DOP1A: variants seen among roughly 807,000 people sequenced by gnomAD.
DOP1A encodes the protein DOP1 leucine zipper like protein A, also known as protein DOP1A.
In DOP1A, 90 loss-of-function variants were observed where a neutral mutation model predicts 267.6. The ratio of observed to expected loss-of-function variants is 0.34; its 90% CI spans 0.28 to 0.40. The LOEUF is 0.40. DOP1A is among the 10% of genes least tolerant of loss of function. DOP1A has a pLI of 1.00. For missense variants in DOP1A, 2,437 were observed against 2,900.4 expected (o/e 0.84, Z 3.67); for synonymous variants, 932 against 999.1 (o/e 0.93, Z 1.27).
intron 1 of DOP1A, among the ~76,000 whole-genome samples, chr6:83,084,287 G>A (rs1768671199): frequency 2.0e-5 from 3 of 152,066 alleles, no homozygotes; most frequent in African/African-American, 7.2e-5. Flanking sequence ...ATAACATGCT[G>A]TACAGGTTTG....
chr6:83,091,814 GT>G (rs1428620866), intron 1 of DOP1A, among the ~76,000 whole-genome samples: 1 of 152,104 alleles, frequency 6.6e-6, no homozygotes, highest in Non-Finnish European at 1.5e-5. Context: ...GAAAAAAAAT[GT>G]TCCTGCTGAT....
chr6:83,121,806 T>C lies in DOP1A; in HGVS notation c.1100-124T>C, dbSNP rs888405277. The C allele has an allele frequency of 3.1e-6, 3 of 972,178 alleles. No homozygotes were observed. The African/African-American group carries it at 5.0e-5, about 16-fold the overall frequency. 60.2% of individuals were successfully genotyped at this position (972,178 alleles called of 1,614,324 possible). ...AAAGAAGTGTGAATTTAGCTTAGCT[T>C]CTGAAGAAATACTATTTTAAAAATA... On this transcript the variant is annotated intron_variant, in intron 10 of 38. Transcript: ENST00000349129.
At chr6:83,145,847 G>A (rs1403492823) in intron 25 of DOP1A, among the ~76,000 whole-genome samples, 189 bp downstream of exon 25, 2 of 152,034 alleles carry the variant, frequency 1.3e-5, no homozygotes, top group East Asian at 3.9e-4. Flanking sequence ...CTGATTATTC[G>A]GTAGCCAGTG....
intron 27 of DOP1A, among the ~76,000 whole-genome samples, chr6:83,149,475 A>G (rs482899): frequency 0.23 from 34,317 of 152,058 alleles, 3,940 homozygotes; most frequent in Non-Finnish European, 0.24. Context: ...ATTCTGGGGC[A>G]AAGTACCTTG....
intron 17 of DOP1A, among the ~76,000 whole-genome samples, chr6:83,130,749 C>CTT (rs988236529): frequency 6.8e-6 from 1 of 146,384 alleles, no homozygotes. Context: ...TTTTGCTTTT[C>CTT]TTTTTTTTTT....
At chr6:83,151,784 C>A in intron 28 of DOP1A, 99 bp from the exon 29 acceptor site, 4 of 1,438,144 alleles carry the variant, frequency 2.8e-6, no homozygotes, top group Non-Finnish European at 3.8e-6. Flanking sequence ...ATCAACAAGT[C>A]TATTGTAAAA....
chr6:83,146,968 TGG>T (rs1780732617), intron 25 of DOP1A, among the ~76,000 whole-genome samples: 1 of 152,182 alleles, frequency 6.6e-6, no homozygotes, highest in Non-Finnish European at 1.5e-5. Flanking sequence ...AAGTGAGTGG[TGG>T]ACTATCAACT....
intron 34 of DOP1A, 138 bp downstream of exon 34, chr6:83,156,241 CAATG>C (rs1782761043): frequency 2.9e-6 from 2 of 691,760 alleles, no homozygotes; most frequent in African/African-American, 1.8e-5. Flanking sequence ...TCTACTGAAA[CAATG>C]AAAATTATCA....
At chr6:83,147,806 G>A (rs987239371) in intron 26 of DOP1A, among the ~76,000 whole-genome samples, 1 of 152,160 alleles carries the variant, frequency 6.6e-6, no homozygotes, top group Non-Finnish European at 1.5e-5. Flanking sequence ...TATTTAAACT[G>A]GTTGTGACCT....
At chr6:83,077,768 CAG>C (rs1322661912) in intron 1 of DOP1A, among the ~76,000 whole-genome samples, 6 of 152,312 alleles carry the variant, frequency 3.9e-5, no homozygotes, top group African/African-American at 1.4e-4. Context: ...GTTTCTAAAT[CAG>C]GGGTGTCCAA....
intron 25 of DOP1A, 56 bp downstream of exon 25, chr6:83,145,714 G>A: frequency 6.4e-7 from 1 of 1,566,152 alleles, no homozygotes; most frequent in Non-Finnish European, 8.7e-7. Flanking sequence ...AAATTATGCT[G>A]GTAAGATTTT....
rs575909831 is a variant in DOP1A at position 83,152,722 on chromosome 6, A to G, written c.6129+355A>G. 1.3e-3 allele frequency among the ~76,000 whole-genome samples: 193 copies of G among 148,042 alleles called. 8 individuals carry two copies. In the South Asian group the frequency reaches 0.039, roughly 30 times the overall value. ...AACCTCTGCCTCCCGGGCTCAAGCTATTCTCCTCCCTCAGCCTCCTAAGTA... is the reference window on the plus strand; with the variant it reads ...AACCTCTGCCTCCCGGGCTCAAGCTGTTCTCCTCCCTCAGCCTCCTAAGTA... On this transcript the variant is annotated intron_variant, in intron 30 of 38. Coordinates refer to ENST00000349129, the MANE Select transcript of DOP1A (RefSeq NM_015018.4).
rs1310521076 is a variant in DOP1A, at chr6:83,122,019, C to A, written c.1189C>A (p.Pro397Thr). Reference sequence around the variant, plus strand: ...AGAGTTGGATCTTCAAACTGAACCACCCTTCAGCAAGGATCATGCTCAGTT... The same window carrying A: ...AGAGTTGGATCTTCAAACTGAACCAACCTTCAGCAAGGATCATGCTCAGTT... ...KAELDLQTEP[P>T]FSKDHAQLSS... Residue 397 changes from proline (P) to threonine (T), a missense_variant, in exon 11 of 39, where the codon CCC (proline) becomes ACC (threonine). Coordinates refer to ENST00000349129, the MANE Select transcript of DOP1A (RefSeq NM_015018.4). 6.2e-7 allele frequency: 1 copy of A among 1,611,258 alleles called. No individual in the cohort carries two copies. Among genetic ancestry groups the A allele is most frequent in the Non-Finnish European group, 8.5e-7 (1 of 1,178,064 alleles).
chr6:83,139,821 A>G (rs1026730454), intron 21 of DOP1A, among the ~76,000 whole-genome samples, 179 bp from the exon 22 acceptor site: 1 of 151,660 alleles, frequency 6.6e-6, no homozygotes, highest in Admixed American at 6.6e-5. Flanking sequence ...ATTTAGTCCA[A>G]CTCACTTATT....
downstream of DOP1A, chr6:83,169,913 A>G (rs191946107): frequency 3.7e-4 from 151 of 408,140 alleles, no homozygotes; most frequent in African/African-American, 2.4e-3. Flanking sequence ...TCAAGAGTCC[A>G]GAATGCTATC....
chr6:83,123,062 T>A, intron 12 of DOP1A, 80 bp downstream of exon 12: 3 of 1,449,684 alleles, frequency 2.1e-6, no homozygotes, highest in Non-Finnish European at 2.8e-6. Context: ...TTACATTTAA[T>A]GAATGTTCTT....
At chr6:83,166,491 A>G (rs756395399) in intron 38 of DOP1A, 2 of 698,276 alleles carry the variant, frequency 2.9e-6, no homozygotes, top group South Asian at 1.5e-5. Flanking sequence ...GAAAATCGCT[A>G]AATTTGATTT....
chr6:83,127,878 G>C (rs1427761103), intron 15 of DOP1A, among the ~76,000 whole-genome samples: 1 of 152,134 alleles, frequency 6.6e-6, no homozygotes, highest in Non-Finnish European at 1.5e-5. Flanking sequence ...AGGAATTACT[G>C]TCTCTCAATT....
In DOP1A at chr6:83,100,737, A is replaced by G. The variant is rs1772424973; in HGVS notation, c.171A>G (p.Val57=). 6.5e-7 allele frequency: 1 copy of G among 1,537,180 alleles called. No individual in the cohort carries two copies. Among genetic ancestry groups the G allele is most frequent in the Non-Finnish European group, 8.8e-7 (1 of 1,142,342 alleles). The change falls in exon 4 of 39, where the codon GTA becomes GTG. Residue 57 remains valine (V), a synonymous_variant. Coordinates refer to ENST00000349129, the MANE Select transcript of DOP1A (RefSeq NM_015018.4). ...AAAATAATGCAAAGTACCAAGTAGT[A>G]CCCAAAAAGCTGACCATAGGCAAAC... ...VLQNNAKYQV[V]PKKLTIGKRL... is the part of the protein sequence containing the mutation.
Sources: gnomAD v4.1 joint callset for allele counts (sites outside exome capture counted in the v4.1 genomes callset) on GRCh38, gnomAD v4.1.1 for gene constraint, MANE v1.5 for transcripts, NCBI Gene and HGNC (gene_info 2026-07-23, HGNC 2026-07-21) for gene names.